Variants in SLC7A2 observed in about 807,000 individuals in gnomAD.
SLC7A2 encodes the protein solute carrier family 7 member 2, also known as cationic amino acid transporter 2.
SLC7A2 carries 48 observed loss-of-function variants against 58.9 expected under a neutral mutation model. The observed-to-expected ratio is 0.82, with a 90% CI of 0.65 to 1.04. SLC7A2 has a LOEUF of 1.04. SLC7A2 is among the 50% of genes least tolerant of loss of function. The pLI, the probability that SLC7A2 is intolerant of heterozygous loss-of-function variation, is 0.00. For missense variants in SLC7A2, 1,029 were observed against 818.8 expected (o/e 1.26, Z -3.13); for synonymous variants, 363 against 314.5 (o/e 1.15, Z -1.63).
intron 2 of SLC7A2, among the ~76,000 whole-genome samples, chr8:17,536,324 G>A (rs1801664074): frequency 6.6e-6 from 1 of 152,038 alleles, no homozygotes; most frequent in Admixed American, 6.6e-5. Flanking sequence ...CAGCACTTTG[G>A]GAGACCAAGG....
chr8:17,559,462 A>G (rs1802859116), intron 9 of SLC7A2, among the ~76,000 whole-genome samples: 1 of 152,186 alleles, frequency 6.6e-6, no homozygotes, highest in South Asian at 2.1e-4. Flanking sequence ...GCTACTCAGG[A>G]GGCTGAGGCA....
intron 2 of SLC7A2, among the ~76,000 whole-genome samples, chr8:17,516,225 A>G (rs891831319): frequency 5.4e-5 from 5 of 92,266 alleles, no homozygotes; most frequent in Admixed American, 2.1e-4. Context: ...TAATTAATTA[A>G]TTAATTAATT....
chr8:17,536,182 A>G (rs1338929221), intron 2 of SLC7A2, among the ~76,000 whole-genome samples: 1 of 152,006 alleles, frequency 6.6e-6, no homozygotes, highest in Non-Finnish European at 1.5e-5. Flanking sequence ...GGCCCTGACT[A>G]GCTCTTACAT....
chr8:17,495,935 C>T (rs923807219), upstream of SLC7A2, among the ~76,000 whole-genome samples: 1 of 152,198 alleles, frequency 6.6e-6, no homozygotes, highest in South Asian at 2.1e-4. Context: ...TGGAATGAAG[C>T]CCCACACCGT....
intron 2 of SLC7A2, chr8:17,520,641 TA>T (rs61512531): frequency 0.24 from 14,262 of 59,708 alleles, 1,307 homozygotes; most frequent in East Asian, 0.41. Flanking sequence ...ACTCTGTCTT[TA>T]AAAAAAAAAA....
rs570679093 is a variant in SLC7A2 at position 17,523,547 on chromosome 8, A to G, written c.-22-19771A>G. Reference sequence around the variant, plus strand: ...CTTTTCAGCAAATGGTGATGGGATTATTGGCTAGCCACATGTAGAAGAATG... The same window carrying G: ...CTTTTCAGCAAATGGTGATGGGATTGTTGGCTAGCCACATGTAGAAGAATG... On this transcript the variant is annotated intron_variant, in intron 2 of 12. Transcript: ENST00000494857. Among the ~76,000 whole-genome samples, 344 of 152,356 alleles carry G rather than the reference A, an allele frequency of 2.3e-3. 1 individual carries two copies. Among genetic ancestry groups the G allele is most frequent in the Non-Finnish European group, 1.1e-3 (78 of 68,034 alleles).
rs1747590878 is a variant in SLC7A2 at position 17,570,305 on chromosome 8, AAAATTGTTGATAGGGCCC to A, written c.*5163_*5180del. ...TATTTTGTTATTGCAGTACTTAATAAAAATTGTTGATAGGGCCCAAAACCCTACAGAAATTCTATGTCT... is the reference window on the plus strand; with the variant it reads ...TATTTTGTTATTGCAGTACTTAATAAAAAACCCTACAGAAATTCTATGTCT... On this transcript the variant is annotated 3_prime_UTR_variant, in exon 13 of 13. Coordinates refer to ENST00000494857, the MANE Select transcript of SLC7A2 (RefSeq NM_001370338.1). The A allele has an allele frequency of 6.6e-6, 1 of 152,550 alleles. No homozygotes were observed. Among genetic ancestry groups the A allele is most frequent in the South Asian group, 2.1e-4 (1 of 4,828 alleles). 9.4% of individuals were successfully genotyped at this position (152,550 alleles called of 1,614,324 possible). A position where few individuals can be genotyped will look rare whatever the true frequency, so the allele number is the denominator to read the frequency against.
At chr8:17,554,884 A>G in intron 8 of SLC7A2, 185 bp downstream of exon 8, 1 of 1,586,138 alleles carries the variant, frequency 6.3e-7, no homozygotes, top group Middle Eastern at 1.7e-4. Context: ...TTACCTGTCT[A>G]TACCTGTCTA....
chr8:17,513,885 T>C (rs541936945), intron 2 of SLC7A2, among the ~76,000 whole-genome samples: 1 of 152,266 alleles, frequency 6.6e-6, no homozygotes, highest in South Asian at 2.1e-4. Context: ...GCCAAAAACC[T>C]GTCATCCTGC....
At position 17,562,012 on chromosome 8, in the gene SLC7A2, T is replaced by C; in HGVS notation, c.1573T>C (p.Trp525Arg). 6.2e-7 allele frequency: 1 copy of C among 1,614,062 alleles called. No individual in the cohort carries two copies. The highest frequency in any genetic ancestry group is 8.5e-7 in the Non-Finnish European group (1 of 1,179,958). The change falls in exon 11 of 13, where the codon TGG becomes CGG. Residue 525 changes from tryptophan (W) to arginine (R), a missense_variant. Physicochemically the swap from Trp to Arg is moderately radical, Grantham distance 101 (BLOSUM62 -3). Coordinates refer to ENST00000494857, the MANE Select transcript of SLC7A2 (RefSeq NM_001370338.1). ...GVHAITRLEA[W>R]SLALLALFLV... ...TCATGCCATCACCAGGCTGGAGGCC[T>C]GGAGCCTCGCTCTCCTCGCGCTGTT...
At chr8:17,495,364 A>G (rs1307164113), upstream of SLC7A2, among the ~76,000 whole-genome samples, 2 of 152,172 alleles carry the variant, frequency 1.3e-5, no homozygotes, top group African/African-American at 2.4e-5. Flanking sequence ...GGGATTGAGG[A>G]GGAATCTGGT....
chr8:17,524,823 G>A (rs575172851), intron 2 of SLC7A2, among the ~76,000 whole-genome samples: 1 of 151,884 alleles, frequency 6.6e-6, no homozygotes, highest in South Asian at 2.1e-4. Context: ...CTTGTTTGTA[G>A]CAGGGATTAA....
At chr8:17,528,924 G>A (rs1301757975) in intron 2 of SLC7A2, among the ~76,000 whole-genome samples, 1 of 152,120 alleles carries the variant, frequency 6.6e-6, no homozygotes, top group Non-Finnish European at 1.5e-5. Flanking sequence ...GGCTCTCGGG[G>A]CCCATACAAC....
chr8:17,527,509 C>T (rs1395823118), intron 2 of SLC7A2, among the ~76,000 whole-genome samples: 1 of 152,134 alleles, frequency 6.6e-6, no homozygotes, highest in African/African-American at 2.4e-5. Flanking sequence ...CTTAAAATAA[C>T]AAATAGTTTG....
intron 8 of SLC7A2, among the ~76,000 whole-genome samples, chr8:17,557,514 T>C (rs1427579799): frequency 6.6e-6 from 1 of 152,186 alleles, no homozygotes; most frequent in African/African-American, 2.4e-5. Context: ...TATTTTACTT[T>C]ATTTTATCAG....
Position 17,548,826 on chromosome 8 carries a change from T to C in SLC7A2, c.681T>C (p.Asn227=). 6.2e-7 allele frequency: 1 copy of C among 1,606,988 alleles called. No homozygotes were observed. Among genetic ancestry groups the C allele is most frequent in the Non-Finnish European group, 8.5e-7 (1 of 1,178,456 alleles). The change falls in exon 5 of 13, where the codon AAT becomes AAC. Residue 227 remains asparagine, a synonymous_variant. Coordinates refer to ENST00000494857, the MANE Select transcript of SLC7A2 (RefSeq NM_001370338.1). The part of the protein sequence containing the change: ...NWKISEEFLK[N]ISASAREPPS... The stretch of plus-strand genomic sequence containing the variant: ...AGATTAGTGAAGAGTTTCTCAAAAA[T>C]ATATCAGCAAGTGCCAGGTAAAATA...
chr8:17,510,534 G>A (rs1323196586), intron 2 of SLC7A2: 1 of 152,200 alleles, frequency 6.6e-6, no homozygotes, highest in Non-Finnish European at 1.5e-5. Context: ...TCTGACTGGT[G>A]TGATATGGTA....
chr8:17,498,428 T>C (rs985287695), intron 1 of SLC7A2, among the ~76,000 whole-genome samples: 10 of 152,260 alleles, frequency 6.6e-5, no homozygotes, highest in African/African-American at 2.4e-4. Flanking sequence ...ATGTATAAGA[T>C]GTGAATATTC....
chr8:17,558,948 A>C (rs1047785160), intron 9 of SLC7A2, among the ~76,000 whole-genome samples: 1 of 152,216 alleles, frequency 6.6e-6, no homozygotes, highest in African/African-American at 2.4e-5. Context: ...TTTAAATAAT[A>C]AATTTTCATG....
Sources: allele counts gnomAD v4.1 joint callset (sites outside exome capture counted in the v4.1 genomes callset), GRCh38; gene constraint gnomAD v4.1.1; transcripts MANE v1.5; gene names NCBI Gene and HGNC (gene_info 2026-07-23, HGNC 2026-07-21).